GRM7: variants seen among roughly 807,000 people sequenced by gnomAD.
The protein encoded by GRM7 is metabotropic glutamate receptor 7.
GRM7 carries 35 observed loss-of-function variants against 84.5 expected under a neutral mutation model. The ratio of observed to expected loss-of-function variants is 0.41; its 90% CI spans 0.32 to 0.55. The LOEUF (loss-of-function observed/expected upper bound fraction) is 0.55. Among genes scored for constraint, GRM7 ranks in the 20% least tolerant of loss-of-function variants. The pLI is 0.19. For missense variants in GRM7, 1,003 were observed against 1,194.6 expected, an observed-to-expected ratio of 0.84 and a Z score of 2.36; for synonymous variants, 487 against 455.1, an observed-to-expected ratio of 1.07 and a Z score of -0.89.
chr3:7,272,662 ATTATTTGAATG>A (rs753756478), intron 2 of GRM7, among the ~76,000 whole-genome samples: 10 of 151,882 alleles, frequency 6.6e-5, no homozygotes, highest in Non-Finnish European at 1.2e-4. Flanking sequence ...TTTCTCTATT[ATTATTTGAATG>A]TTCTTGGGAT....
intron 2 of GRM7, among the ~76,000 whole-genome samples, chr3:7,287,072 C>T (rs1197223271): frequency 3.3e-5 from 5 of 152,042 alleles, no homozygotes; most frequent in Non-Finnish European, 7.4e-5. Flanking sequence ...CTTCCACCCC[C>T]AAAAACTGGC....
At chr3:7,381,146 T>A (rs73809089) in intron 4 of GRM7, among the ~76,000 whole-genome samples, 1 of 152,086 alleles carries the variant, frequency 6.6e-6, no homozygotes, top group Non-Finnish European at 1.5e-5. Flanking sequence ...TCCTTGACTT[T>A]ATGCTATTAT....
In GRM7 at chr3:7,275,690, A is replaced by T. The variant is rs77637394; in HGVS notation, c.737-22994A>T. On this transcript the variant is annotated intron_variant, in intron 2 of 9. Transcript: ENST00000357716. ...GGTTCTGTTTAGCTAGTTTCTTCTGAGAATAGATTTAAGAGTAACAGAATG... is the reference window on the plus strand; with the variant it reads ...GGTTCTGTTTAGCTAGTTTCTTCTGTGAATAGATTTAAGAGTAACAGAATG... Among the ~76,000 whole-genome samples, 1,275 of 152,192 alleles carry T rather than the reference A, an allele frequency of 8.4e-3. 13 individuals carry two copies. The highest frequency in any genetic ancestry group is 0.038 in the East Asian group (195 of 5,170).
Position 7,470,865 on chromosome 3 carries a change from C to T in GRM7, c.1515+9143C>T, listed in dbSNP as rs1175839995. On this transcript the variant is annotated intron_variant, in intron 7 of 9. Transcript: ENST00000357716. Reference sequence around the variant, plus strand: ...TGCCTAACTTTTTTGCTTTGGGAAGCCAAAAAATTCTAGAATGACCTGGTT... The same window carrying T: ...TGCCTAACTTTTTTGCTTTGGGAAGTCAAAAAATTCTAGAATGACCTGGTT... Among the ~76,000 whole-genome samples, 3 of 151,848 alleles carry T rather than the reference C, an allele frequency of 2.0e-5. No homozygotes were observed. The East Asian group carries it at 5.9e-4, about 30-fold the overall frequency.
intron 4 of GRM7, among the ~76,000 whole-genome samples, chr3:7,324,212 C>T (rs35202421): frequency 0.42 from 63,928 of 151,936 alleles, 13,513 homozygotes; most frequent in Middle Eastern, 0.49. Flanking sequence ...TTCATCCCTG[C>T]GTATGAGCTT....
At chr3:7,467,900 T>C (rs948613982) in intron 7 of GRM7, among the ~76,000 whole-genome samples, 1 of 152,242 alleles carries the variant, frequency 6.6e-6, no homozygotes, top group Non-Finnish European at 1.5e-5. Context: ...AGAAATTTTT[T>C]AGATTTTATT....
At chr3:7,492,366 C>G (rs1473656645) in intron 7 of GRM7, among the ~76,000 whole-genome samples, 1 of 152,088 alleles carries the variant, frequency 6.6e-6, no homozygotes, top group Non-Finnish European at 1.5e-5. Context: ...TTTTTAATTG[C>G]ATATTTAATT....
chr3:7,406,198 C>T (rs1695668291), intron 4 of GRM7, among the ~76,000 whole-genome samples: 1 of 151,966 alleles, frequency 6.6e-6, no homozygotes, highest in African/African-American at 2.4e-5. Context: ...TCTTTAATAA[C>T]TACTTTTAAA....
At chr3:7,153,428 A>G (rs1162035010) in intron 2 of GRM7, among the ~76,000 whole-genome samples, 1 of 152,118 alleles carries the variant, frequency 6.6e-6, no homozygotes, top group African/African-American at 2.4e-5. Flanking sequence ...CTCTCACTAG[A>G]GAGTAAAATT....
rs6776651 is a variant in GRM7 at position 6,923,202 on chromosome 3, A to T, written c.519+61295A>T. ...GCTAATTTTTGTATTTTTAGTAGAG[A>T]TGGGGTTTCACTATGTTGGCCAGGC... On this transcript the variant is annotated intron_variant, in intron 1 of 9. Coordinates refer to ENST00000357716, the MANE Select transcript of GRM7 (RefSeq NM_000844.4). Among the ~76,000 whole-genome samples, 1,224 of 151,862 alleles carry T rather than the reference A, an allele frequency of 8.1e-3. 24 individuals are homozygous for T. The highest frequency in any genetic ancestry group is 0.028 in the African/African-American group (1,159 of 41,402).
At chr3:7,693,265 A>G (rs982185406) in intron 9 of GRM7, among the ~76,000 whole-genome samples, 2 of 152,198 alleles carry the variant, frequency 1.3e-5, no homozygotes, top group Non-Finnish European at 2.9e-5. Context: ...AAGGTAATCA[A>G]GTTTGGCATG....
At chr3:6,953,372 A>G (rs1692874627) in intron 1 of GRM7, among the ~76,000 whole-genome samples, 1 of 152,212 alleles carries the variant, frequency 6.6e-6, no homozygotes, top group South Asian at 2.1e-4. Context: ...TGTTGCCCTG[A>G]CAAGCCAACA....
chr3:7,151,676 T>C lies in GRM7; in HGVS notation c.736+5008T>C, dbSNP rs754553884. On this transcript the variant is annotated intron_variant, in intron 2 of 9. Transcript: ENST00000357716. The surrounding 1 kb of genome is among the most constrained non-coding windows in gnomAD (Gnocchi z 4.5). ...TATTTCTTAACAGAAGGAAGAATTG[T>C]GTTTTTCCCCTTTGCCCTTTAGGAA... is the stretch of plus-strand genomic sequence containing the variant. Among the ~76,000 whole-genome samples the C allele has an allele frequency of 6.6e-6, 1 of 152,304 alleles. No individual in the cohort carries two copies. The highest frequency in any genetic ancestry group is 3.4e-3 in the Middle Eastern group (1 of 294).
chr3:7,098,309 A>G (rs1698927953), intron 1 of GRM7, among the ~76,000 whole-genome samples: 1 of 152,078 alleles, frequency 6.6e-6, no homozygotes, highest in African/African-American at 2.4e-5. Flanking sequence ...TATTTACAGT[A>G]AAACCTAGAT....
intron 2 of GRM7, among the ~76,000 whole-genome samples, chr3:7,270,911 C>T (rs146921272): frequency 1.1e-3 from 162 of 152,236 alleles, no homozygotes; most frequent in African/African-American, 3.7e-3. Context: ...CCCAGTCCAC[C>T]TGGATCTTGG....
At chr3:7,144,720 A>C (rs150363995) in intron 1 of GRM7, among the ~76,000 whole-genome samples, 2 of 152,210 alleles carry the variant, frequency 1.3e-5, no homozygotes, top group African/African-American at 4.8e-5. Flanking sequence ...AGCTTCATCA[A>C]ATTAAACACT....
At chr3:6,957,714 C>G (rs747314190) in intron 1 of GRM7, among the ~76,000 whole-genome samples, 6 of 152,130 alleles carry the variant, frequency 3.9e-5, no homozygotes, top group Non-Finnish European at 5.9e-5. Context: ...GCTCTATTGT[C>G]CAAGATATTT....
At chr3:7,174,579 G>A (rs1695084808) in intron 2 of GRM7, among the ~76,000 whole-genome samples, 1 of 152,148 alleles carries the variant, frequency 6.6e-6, no homozygotes, top group Admixed American at 6.6e-5. Context: ...TCTAGTTGTT[G>A]TCCAATATGG....
intron 1 of GRM7, among the ~76,000 whole-genome samples, chr3:6,914,170 T>C (rs1559325727): frequency 1.3e-5 from 2 of 152,194 alleles, no homozygotes; most frequent in Admixed American, 6.5e-5. Context: ...AAAATGCTAT[T>C]CTTTCCAGGA....
Sources: allele counts gnomAD v4.1 joint callset (sites outside exome capture counted in the v4.1 genomes callset), GRCh38; gene constraint gnomAD v4.1.1; non-coding constraint Gnocchi (gnomAD v3.1); transcripts MANE v1.5; gene names NCBI Gene and HGNC (gene_info 2026-07-23, HGNC 2026-07-21).